Variants in RYR3 observed in about 807,000 individuals in gnomAD.
RYR3 encodes the protein brain ryanodine receptor-calcium release channel.
Under a neutral mutation model 584.3 loss-of-function variants are expected in RYR3, and 207 were observed. That is an observed-to-expected ratio of 0.35 (90% CI 0.32 to 0.40). The LOEUF (loss-of-function observed/expected upper bound fraction) is 0.40. Ranked by LOEUF, RYR3 falls within the 10% of genes least tolerant of loss-of-function variation. The pLI, the probability that RYR3 is intolerant of heterozygous loss-of-function variation, is 1.00. For missense variants in RYR3, 5,616 were observed against 6,089.2 expected (o/e 0.92, Z 2.59); for synonymous variants, 2,416 against 2,248.5 (o/e 1.07, Z -2.11).
chr15:33,487,568 G>C (rs2142436786), intron 2 of RYR3, among the ~76,000 whole-genome samples: 1 of 152,242 alleles, frequency 6.6e-6, no homozygotes, highest in South Asian at 2.1e-4. Flanking sequence ...AACATTTTGG[G>C]TGAACAGAGT....
chr15:33,481,564 T>A (rs1278944980), intron 2 of RYR3, among the ~76,000 whole-genome samples: 1 of 152,138 alleles, frequency 6.6e-6, no homozygotes, highest in Admixed American at 6.5e-5. Context: ...CACTGCAACC[T>A]CTGCCTCCTG....
chr15:33,668,025 T>C (rs935244858), intron 36 of RYR3, among the ~76,000 whole-genome samples: 1 of 144,280 alleles, frequency 6.9e-6, no homozygotes, highest in South Asian at 2.2e-4. Flanking sequence ...ATTGCACCAT[T>C]GCATTCCAGC....
intron 1 of RYR3, among the ~76,000 whole-genome samples, chr15:33,472,152 A>G (rs966368207): frequency 3.9e-5 from 6 of 152,146 alleles, no homozygotes; most frequent in Admixed American, 3.3e-4. Flanking sequence ...TGCTAGTAAA[A>G]CTGTGGAGCT....
At chr15:33,325,794 TTTTCA>T (rs1367242635) in intron 1 of RYR3, among the ~76,000 whole-genome samples, 3 of 147,314 alleles carry the variant, frequency 2.0e-5, no homozygotes, top group South Asian at 2.3e-4. Context: ...TTCTTTTCTC[TTTTCA>T]TTTCTTTTCT....
At chr15:33,799,125 C>A (rs559943762) in intron 67 of RYR3, among the ~76,000 whole-genome samples, 1 of 152,262 alleles carries the variant, frequency 6.6e-6, no homozygotes, top group South Asian at 2.1e-4. Flanking sequence ...TATGTATTTG[C>A]TCTTCATCTC....
intron 54 of RYR3, 101 bp downstream of exon 54, chr15:33,748,361 A>G: frequency 6.6e-7 from 1 of 1,526,566 alleles, no homozygotes; most frequent in South Asian, 1.2e-5. Context: ...ATCTAAGATG[A>G]ACCCTGGGGA....
intron 2 of RYR3, among the ~76,000 whole-genome samples, chr15:33,485,077 T>C (rs1388007174): frequency 6.6e-6 from 1 of 151,958 alleles, no homozygotes; most frequent in Non-Finnish European, 1.5e-5. Flanking sequence ...TCCTGAGAGA[T>C]CAGAAAAGAA....
chr15:33,722,597 C>A, intron 43 of RYR3, 118 bp from the exon 44 acceptor site: 2 of 1,019,906 alleles, frequency 2.0e-6, no homozygotes, highest in South Asian at 1.4e-5. Flanking sequence ...CTGGCCTAAA[C>A]CAAAAACAGA....
intron 43 of RYR3, among the ~76,000 whole-genome samples, chr15:33,721,388 C>T (rs956125711): frequency 6.6e-6 from 1 of 152,232 alleles, no homozygotes; most frequent in African/African-American, 2.4e-5. Flanking sequence ...TTCAAAATCC[C>T]TGACCGATAC....
chr15:33,676,368 A>C (rs926202815), intron 38 of RYR3, among the ~76,000 whole-genome samples: 1 of 152,220 alleles, frequency 6.6e-6, no homozygotes, highest in East Asian at 1.9e-4. Context: ...ATAGGACCGG[A>C]AATTTCTGTT....
At chr15:33,560,655 A>G (rs2057350947) in intron 10 of RYR3, among the ~76,000 whole-genome samples, 1 of 152,132 alleles carries the variant, frequency 6.6e-6, no homozygotes. Flanking sequence ...AGAGATGAGA[A>G]TTTTCGCATC....
chr15:33,661,652 C>T (rs531057839), intron 34 of RYR3, among the ~76,000 whole-genome samples: 7 of 152,090 alleles, frequency 4.6e-5, no homozygotes, highest in Non-Finnish European at 8.8e-5. Flanking sequence ...CTAGATCCCT[C>T]GCATGCACGG....
At chr15:33,692,707 G>A (rs2065526776) in intron 38 of RYR3, among the ~76,000 whole-genome samples, 1 of 151,318 alleles carries the variant, frequency 6.6e-6, no homozygotes, top group African/African-American at 2.4e-5. Flanking sequence ...AGGCTTGCCT[G>A]GACAAAGAAT....
At position 33,752,498 on chromosome 15, in the gene RYR3, A is replaced by G. The variant is rs532619270; in HGVS notation, c.8399+2212A>G. On this transcript the variant is annotated intron_variant, in intron 57 of 103. Coordinates refer to ENST00000634891, the MANE Select transcript of RYR3 (RefSeq NM_001036.6). ...TTTTATTCTCTTTGTAGCAATTGTGAATGGGAGTTCACTCGTGATTTGGCT... is the reference window on the plus strand; with the variant it reads ...TTTTATTCTCTTTGTAGCAATTGTGGATGGGAGTTCACTCGTGATTTGGCT... Among the ~76,000 whole-genome samples the G allele has an allele frequency of 3.3e-5, 5 of 152,204 alleles. No individual in the cohort carries two copies. The South Asian group carries it at 1.0e-3, about 32-fold the overall frequency.
intron 1 of RYR3, among the ~76,000 whole-genome samples, chr15:33,337,185 TAGG>T (rs1971225887): frequency 1.3e-5 from 2 of 151,092 alleles, no homozygotes; most frequent in Non-Finnish European, 2.9e-5. Flanking sequence ...ATTTAAAAGA[TAGG>T]AGAATATTTT....
At chr15:33,806,513 G>A (rs74008330) in intron 69 of RYR3, among the ~76,000 whole-genome samples, 12 of 151,262 alleles carry the variant, frequency 7.9e-5, no homozygotes, top group East Asian at 5.8e-4. Context: ...GGAAGAAAAC[G>A]CAAGAAAATA....
At chr15:33,818,520 A>T in intron 75 of RYR3, 58 bp from the exon 76 acceptor site, 1 of 1,286,156 alleles carries the variant, frequency 7.8e-7, no homozygotes, top group Admixed American at 1.8e-5. Flanking sequence ...TTCGCATGCC[A>T]GTCACGTGGC....
intron 5 of RYR3, 48 bp downstream of exon 5, chr15:33,533,437 TA>T: frequency 7.3e-7 from 1 of 1,367,490 alleles, no homozygotes; most frequent in Non-Finnish European, 1.0e-6. Flanking sequence ...GGTCTTGGGC[TA>T]AGGGGCTTTT....
intron 10 of RYR3, among the ~76,000 whole-genome samples, chr15:33,557,471 G>T (rs1233940396): frequency 6.6e-6 from 1 of 152,066 alleles, no homozygotes; most frequent in Non-Finnish European, 1.5e-5. Flanking sequence ...TGCAACCTCC[G>T]ACTCCCTGGT....
Sources: gnomAD v4.1 joint callset for allele counts (sites outside exome capture counted in the v4.1 genomes callset) on GRCh38, gnomAD v4.1.1 for gene constraint, MANE v1.5 for transcripts, NCBI Gene and HGNC (gene_info 2026-07-23, HGNC 2026-07-21) for gene names.